DIS3L2: variants seen among roughly 807,000 people sequenced by gnomAD.
DIS3L2 encodes the protein DIS3 like 3'-5' exoribonuclease 2.
In DIS3L2, 34 loss-of-function variants were observed where a neutral mutation model predicts 97.5. The observed-to-expected ratio is 0.35, with a 90% confidence interval of 0.27 to 0.46. The LOEUF (loss-of-function observed/expected upper bound fraction) is 0.46. DIS3L2 is among the 20% of genes least tolerant of loss of function. DIS3L2 has a pLI of 1.00. For missense variants in DIS3L2, 1,038 were observed against 1,146.0 expected, an observed-to-expected ratio of 0.91 and a Z score of 1.36; for synonymous variants, 435 against 445.2, an observed-to-expected ratio of 0.98 and a Z score of 0.29.
intron 1 of DIS3L2, among the ~76,000 whole-genome samples, chr2:231,985,965 G>T (rs1335623539): frequency 6.6e-6 from 1 of 152,214 alleles, no homozygotes; most frequent in Non-Finnish European, 1.5e-5. Context: ...CTGCCAGTGC[G>T]TCTAGAACAA....
At chr2:232,036,664 C>T (rs1010524298) in intron 5 of DIS3L2, among the ~76,000 whole-genome samples, 1 of 152,144 alleles carries the variant, frequency 6.6e-6, no homozygotes, top group Admixed American at 6.5e-5. Flanking sequence ...GATTTATTTA[C>T]CCTTGGTCTT....
intron 6 of DIS3L2, among the ~76,000 whole-genome samples, chr2:232,103,004 T>G (rs1209982993): frequency 1.3e-5 from 2 of 152,086 alleles, no homozygotes; most frequent in Non-Finnish European, 2.9e-5. Context: ...CTTATTTGAG[T>G]TAACAGTGGA....
chr2:232,340,615 A>G (rs1252731665), downstream of DIS3L2: 2 of 458,656 alleles, frequency 4.4e-6, no homozygotes, highest in East Asian at 1.4e-4. Flanking sequence ...CGCTCAGGGC[A>G]TGGATAGCCA....
In DIS3L2 at chr2:232,209,923, G is replaced by A. The variant is rs539975982; in HGVS notation, c.1125-403G>A. Among the ~76,000 whole-genome samples, 25 of 152,306 alleles carry A rather than the reference G, an allele frequency of 1.6e-4. No homozygotes were observed. In the South Asian group the frequency reaches 5.2e-3, roughly 32 times the overall value. ...CCAAAGTTTTTTTGCGAAGCTTATT[G>A]TTGGGTCCCATCCCCCTGTATCACA... On this transcript the variant is annotated intron_variant, in intron 9 of 20. Coordinates refer to ENST00000325385, the MANE Select transcript of DIS3L2 (RefSeq NM_152383.5).
At chr2:232,302,749 T>C (rs1054900128) in intron 14 of DIS3L2, among the ~76,000 whole-genome samples, 1 of 151,922 alleles carries the variant, frequency 6.6e-6, no homozygotes, top group Non-Finnish European at 1.5e-5. Context: ...TTAGTAGAGA[T>C]GGGGTTTCAC....
intron 8 of DIS3L2, among the ~76,000 whole-genome samples, chr2:232,163,097 A>C (rs951526699): frequency 1.3e-5 from 2 of 152,210 alleles, no homozygotes; most frequent in African/African-American, 4.8e-5. Context: ...GCATGACTTA[A>C]CGTACAGGCA....
intron 14 of DIS3L2, 28 bp from the exon 15 acceptor site, chr2:232,329,785 T>TCCCCGGGGGGGGC: frequency 1.0e-4 from 100 of 967,066 alleles, no homozygotes; most frequent in East Asian, 1.2e-4. Flanking sequence ...ACCCCAGCGG[T>TCCCCGGGGGGGGC]CCCTCCCATC....
At chr2:232,343,338 G>A (rs760363450) in intron 13 of DIS3L2, 24 of 1,555,804 alleles carry the variant, frequency 1.5e-5, no homozygotes, top group Non-Finnish European at 2.1e-5. Context: ...CACGGAAAAG[G>A]GCCCAGCAGA....
intron 10 of DIS3L2, among the ~76,000 whole-genome samples, chr2:232,235,897 A>G (rs1244043593): frequency 6.6e-6 from 1 of 152,336 alleles, no homozygotes; most frequent in South Asian, 2.1e-4. Context: ...TGACCCAGCG[A>G]CACAGCTGCG....
intron 5 of DIS3L2, among the ~76,000 whole-genome samples, chr2:232,078,402 G>A (rs192964822): frequency 6.6e-6 from 1 of 152,230 alleles, no homozygotes; most frequent in East Asian, 1.9e-4. Context: ...CTCCCCGGGA[G>A]GAAGGGTTTA....
chr2:231,984,326 A>C (rs1693348170), intron 1 of DIS3L2, among the ~76,000 whole-genome samples: 1 of 149,776 alleles, frequency 6.7e-6, no homozygotes, highest in Non-Finnish European at 1.5e-5. Flanking sequence ...TTTGAGATGG[A>C]GTCTCACTCT....
rs77070530 is a variant in DIS3L2 at position 232,022,245 on chromosome 2, G to A, written c.211-2032G>A. 2.0e-3 allele frequency among the ~76,000 whole-genome samples: 312 copies of A among 152,226 alleles called. 1 individual carries two copies. The highest frequency in any genetic ancestry group is 7.2e-3 in the African/African-American group (300 of 41,548). ...GCATTCCCTCAAGGGCTCTGTTTCC[G>A]AGGTCCAGTTCTTCAGAGTTATGCT... On this transcript the variant is annotated intron_variant, in intron 3 of 20. Coordinates refer to ENST00000325385, the MANE Select transcript of DIS3L2 (RefSeq NM_152383.5).
intron 9 of DIS3L2, among the ~76,000 whole-genome samples, chr2:232,198,282 T>C (rs1691810405): frequency 6.6e-6 from 1 of 152,220 alleles, no homozygotes; most frequent in Non-Finnish European, 1.5e-5. Flanking sequence ...TTCTCGTATG[T>C]TGAAGACCTC....
At chr2:231,972,509 T>A (rs911120417) in intron 1 of DIS3L2, among the ~76,000 whole-genome samples, 4 of 152,366 alleles carry the variant, frequency 2.6e-5, no homozygotes, top group African/African-American at 7.2e-5. Flanking sequence ...TTGACTGAAA[T>A]GTCGTTATGG....
At chr2:232,166,875 G>T (rs2106380055) in intron 9 of DIS3L2, among the ~76,000 whole-genome samples, 1 of 152,080 alleles carries the variant, frequency 6.6e-6, no homozygotes, top group Admixed American at 6.5e-5. Context: ...ACAAAAATTG[G>T]CTGTGCATGG....
intron 1 of DIS3L2, among the ~76,000 whole-genome samples, chr2:231,986,567 C>G (rs1693420042): frequency 1.3e-5 from 2 of 152,088 alleles, no homozygotes; most frequent in South Asian, 4.1e-4. Context: ...TTTACATTGT[C>G]TTCTGTGACA....
chr2:232,086,206 C>T (rs566745539), intron 5 of DIS3L2, among the ~76,000 whole-genome samples: 12 of 151,534 alleles, frequency 7.9e-5, no homozygotes, highest in Non-Finnish European at 1.5e-4. Context: ...GACGTGTATA[C>T]GTATATATAC....
chr2:232,143,111 A>G (rs1690115175), intron 8 of DIS3L2, among the ~76,000 whole-genome samples: 1 of 152,120 alleles, frequency 6.6e-6, no homozygotes, highest in Admixed American at 6.6e-5. Flanking sequence ...TTGACTATTT[A>G]ATGTTCCTGT....
At chr2:232,337,802 C>T (rs1487479662), downstream of DIS3L2, among the ~76,000 whole-genome samples, 1 of 151,648 alleles carries the variant, frequency 6.6e-6, no homozygotes, top group Admixed American at 6.6e-5. Context: ...GAGTGCCTCG[C>T]AGCGACAGTG....
Sources: allele counts gnomAD v4.1 joint callset (sites outside exome capture counted in the v4.1 genomes callset), GRCh38; gene constraint gnomAD v4.1.1; transcripts MANE v1.5; gene names NCBI Gene and HGNC (gene_info 2026-07-23, HGNC 2026-07-21).